MAP3K20: variants seen among roughly 807,000 people sequenced by gnomAD.
MAP3K20 encodes mitogen-activated protein kinase kinase kinase 20.
Under a neutral mutation model 85.7 loss-of-function variants are expected in MAP3K20, and 40 were observed. The observed-to-expected ratio is 0.47, with a 90% CI of 0.36 to 0.61. MAP3K20 has a LOEUF of 0.61. Among genes scored for constraint, MAP3K20 ranks in the 20% least tolerant of loss-of-function variants. The pLI, the probability that MAP3K20 is intolerant of heterozygous loss-of-function variation, is 0.00. For missense variants in MAP3K20, 817 were observed against 961.7 expected, an observed-to-expected ratio of 0.85 and a Z score of 1.99; for synonymous variants, 325 against 327.7, an observed-to-expected ratio of 0.99 and a Z score of 0.09.
At position 173,171,569 on chromosome 2, in the gene MAP3K20, C is replaced by T. The variant is rs1347290567; in HGVS notation, c.247+1677C>T. ...TCTCAGTAGGAAGATATCAAACATT[C>T]TTAGCCAGCATATTTCCCCTAGGTC... On this transcript the variant is annotated intron_variant, in intron 3 of 19. Coordinates refer to ENST00000375213, the MANE Select transcript of MAP3K20 (RefSeq NM_016653.3). Among the ~76,000 whole-genome samples, 3 of 152,174 alleles carry T rather than the reference C, an allele frequency of 2.0e-5. No individual in the cohort carries two copies. The East Asian group carries it at 5.8e-4, about 29-fold the overall frequency.
At chr2:173,125,557 C>CT (rs1283592395) in intron 2 of MAP3K20, among the ~76,000 whole-genome samples, 2 of 151,726 alleles carry the variant, frequency 1.3e-5, no homozygotes, top group Non-Finnish European at 2.9e-5. Flanking sequence ...ACTAGCATTT[C>CT]TTGTCAAACA....
intron 1 of MAP3K20, among the ~76,000 whole-genome samples, chr2:173,081,394 C>T (rs1687010709): frequency 6.6e-6 from 1 of 152,054 alleles, no homozygotes; most frequent in Non-Finnish European, 1.5e-5. Context: ...ACCTTCTGCA[C>T]AGTACTGTGT....
chr2:173,178,193 G>A (rs1040438444), intron 3 of MAP3K20, among the ~76,000 whole-genome samples: 10 of 152,130 alleles, frequency 6.6e-5, no homozygotes, highest in African/African-American at 2.2e-4. Flanking sequence ...ATGAAAGAAA[G>A]AGCAGTGCTA....
chr2:173,098,051 C>T (rs1197411201), intron 2 of MAP3K20, among the ~76,000 whole-genome samples: 1 of 152,092 alleles, frequency 6.6e-6, no homozygotes, highest in East Asian at 1.9e-4. Context: ...TTAAATATTT[C>T]CCCCTGACCC....
At chr2:173,248,137 G>C (rs907255662) in intron 16 of MAP3K20, among the ~76,000 whole-genome samples, 2 of 152,224 alleles carry the variant, frequency 1.3e-5, no homozygotes, top group Admixed American at 6.5e-5. Flanking sequence ...AATGAGGCAA[G>C]AGGTTAGGAT....
intron 16 of MAP3K20, among the ~76,000 whole-genome samples, chr2:173,245,688 T>C (rs1684896837): frequency 6.6e-6 from 1 of 152,294 alleles, no homozygotes; most frequent in Middle Eastern, 3.4e-3. Context: ...TCCCAGCACT[T>C]TGGGAGGCCA....
At chr2:173,094,139 TAAA>T (rs895152238) in intron 2 of MAP3K20, among the ~76,000 whole-genome samples, 1 of 151,964 alleles carries the variant, frequency 6.6e-6, no homozygotes, top group Admixed American at 6.5e-5. Flanking sequence ...TAAAGTATAA[TAAA>T]AAAAAATTTT....
intron 2 of MAP3K20, among the ~76,000 whole-genome samples, chr2:173,148,717 G>A (rs1382666334): frequency 1.3e-5 from 2 of 152,212 alleles, no homozygotes; most frequent in African/African-American, 4.8e-5. Context: ...AACAGGAAAT[G>A]TGTGGGTATT....
rs1491499756 is a variant in MAP3K20, at chr2:173,179,702, G to GCACACACA, written c.248-3151_248-3150insACACACAC. Among the ~76,000 whole-genome samples, 214 of 76,156 alleles carry GCACACACA rather than the reference G, an allele frequency of 2.8e-3. 1 individual carries two copies. The highest frequency in any genetic ancestry group is 9.4e-3 in the African/African-American group (193 of 20,622). The allele number at this position is 76,156 out of a possible 152,430, so 50.0% of individuals were successfully genotyped here. On this transcript the variant is annotated intron_variant, in intron 3 of 19. Transcript: ENST00000375213. ...CTATAGGTAGAAAATCCTAAGGAATGCGCACACACACACACACACACACAC... is the reference window on the plus strand; with the variant it reads ...CTATAGGTAGAAAATCCTAAGGAATGCACACACACGCACACACACACACACACACACAC...
At chr2:173,261,508 C>T (rs1246812448) in intron 18 of MAP3K20, among the ~76,000 whole-genome samples, 3 of 152,120 alleles carry the variant, frequency 2.0e-5, no homozygotes, top group Non-Finnish European at 2.9e-5. Context: ...TTACAAGGTA[C>T]GTAGACCCGG....
intron 7 of MAP3K20, among the ~76,000 whole-genome samples, chr2:173,194,865 A>C (rs974545366): frequency 6.6e-6 from 1 of 152,122 alleles, no homozygotes; most frequent in African/African-American, 2.4e-5. Flanking sequence ...TACTACTCCC[A>C]AAACCACCAG....
At chr2:173,223,945 T>C in intron 11 of MAP3K20, 1 of 985,400 alleles carries the variant, frequency 1.0e-6, no homozygotes, top group Non-Finnish European at 1.2e-6. Context: ...GCCAATAGCA[T>C]GGGGTTTACA....
At chr2:173,101,166 G>A (rs901114247) in intron 2 of MAP3K20, among the ~76,000 whole-genome samples, 10 of 152,168 alleles carry the variant, frequency 6.6e-5, no homozygotes, top group Non-Finnish European at 7.4e-5. Context: ...TATAAATAAT[G>A]TTCCTACCAT....
chr2:173,256,063 C>T (rs1160887514), intron 16 of MAP3K20, among the ~76,000 whole-genome samples: 2 of 152,238 alleles, frequency 1.3e-5, no homozygotes, highest in Admixed American at 6.5e-5. Context: ...AATCGGCTTT[C>T]CGTCTTGTGA....
chr2:173,217,085 T>C (rs908520727), intron 10 of MAP3K20, 30 bp from the exon 11 acceptor site: 3 of 1,453,866 alleles, frequency 2.1e-6, no homozygotes, highest in East Asian at 2.5e-5. Context: ...TTAAGTAAAG[T>C]TGAGACTTAC....
At chr2:173,212,938 T>C (rs944671876) in intron 10 of MAP3K20, 33 of 151,906 alleles carry the variant, frequency 2.2e-4, no homozygotes, top group Non-Finnish European at 4.0e-4. Flanking sequence ...AAATTTAAAA[T>C]GATGGTATCT....
rs542224398 is a variant in MAP3K20, at chr2:173,187,908, T to C, written c.415+285T>C. Among the ~76,000 whole-genome samples, 4 of 152,356 alleles carry C rather than the reference T, an allele frequency of 2.6e-5. No individual in the cohort carries two copies. The East Asian group carries it at 7.7e-4, about 29-fold the overall frequency. On this transcript the variant is annotated intron_variant, in intron 5 of 19. Transcript: ENST00000375213. Reference sequence around the variant, plus strand: ...TGGGCTTAATATTTCAGCCAAATTTTTCAAGACATCCCTAATTATTTCCCT... The same window carrying C: ...TGGGCTTAATATTTCAGCCAAATTTCTCAAGACATCCCTAATTATTTCCCT...
chr2:173,222,408 A>G, intron 11 of MAP3K20: 1 of 985,870 alleles, frequency 1.0e-6, no homozygotes, highest in Non-Finnish European at 1.2e-6. Flanking sequence ...TTTGAAACCA[A>G]CAGCAGATGT....
At chr2:173,132,933 T>C (rs556493494) in intron 2 of MAP3K20, among the ~76,000 whole-genome samples, 10 of 152,342 alleles carry the variant, frequency 6.6e-5, no homozygotes, top group African/African-American at 2.4e-4. Context: ...GTTTCTCTTT[T>C]CCACTTCCAT....
Sources: allele counts gnomAD v4.1 joint callset (sites outside exome capture counted in the v4.1 genomes callset), GRCh38; gene constraint gnomAD v4.1.1; transcripts MANE v1.5; gene names NCBI Gene and HGNC (gene_info 2026-07-23, HGNC 2026-07-21).